PCDHA7: variants seen among roughly 807,000 people sequenced by gnomAD.
PCDHA7 encodes protocadherin alpha 7, also known as protocadherin alpha-7.
A neutral mutation model predicts 57.2 loss-of-function variants in PCDHA7; 37 were observed. That is an observed-to-expected ratio of 0.65 (90% confidence interval 0.50 to 0.85). The LOEUF (loss-of-function observed/expected upper bound fraction) is 0.85, where lower values mean the gene tolerates loss of function less well. Among genes scored for constraint, PCDHA7 ranks in the 40% least tolerant of loss-of-function variants. The probability of loss-of-function intolerance (pLI) is 0.00; values close to 1 mark genes in which losing one functional copy is unlikely to be tolerated. For synonymous variants in PCDHA7, 553 were observed against 558.8 expected, an observed-to-expected ratio of 0.99 and a Z score of 0.15; for missense variants, 1,188 against 1,241.8, an observed-to-expected ratio of 0.96 and a Z score of 0.65.
At chr5:140,877,946 C>G in intron 1 of PCDHA7, 1 of 1,349,558 alleles carries the variant, frequency 7.4e-7, no homozygotes, top group South Asian at 1.7e-5. Context: ...TTTAAACTAT[C>G]GAATGTCTCA....
At chr5:140,999,419 G>A (rs2097856786) in intron 3 of PCDHA7, among the ~76,000 whole-genome samples, 1 of 152,182 alleles carries the variant, frequency 6.6e-6, no homozygotes, top group Non-Finnish European at 1.5e-5. Flanking sequence ...TGGGAGCTAA[G>A]AGGCCAAGTA....
intron 1 of PCDHA7, among the ~76,000 whole-genome samples, chr5:140,839,682 A>AT (rs1213854043): frequency 2.0e-5 from 3 of 152,030 alleles, no homozygotes; most frequent in Non-Finnish European, 4.4e-5. Flanking sequence ...AACTACAGAG[A>AT]TTTTTTTGGG....
In PCDHA7 at chr5:140,876,087, G is replaced by T. The variant is rs1554168252; in HGVS notation, c.2355+39349G>T. ...GGAAGTTATTGGACAGAGAGCAAAC[G>T]CCAAAACTCAATTTATTGCTGATGG... On this transcript the variant is annotated intron_variant, in intron 1 of 3. Coordinates refer to ENST00000525929, the MANE Select transcript of PCDHA7 (RefSeq NM_018910.3). The T allele has an allele frequency of 1.9e-6, 3 of 1,613,922 alleles. No individual in the cohort carries two copies. The South Asian group carries it at 3.3e-5, about 18-fold the overall frequency.
chr5:141,001,693 G>A (rs1554258280), intron 3 of PCDHA7, among the ~76,000 whole-genome samples: 1 of 152,122 alleles, frequency 6.6e-6, no homozygotes, highest in Admixed American at 6.5e-5. Context: ...CCCACAGATG[G>A]CGAAATAGGG....
At chr5:140,981,458 C>T (rs1465511355) in intron 2 of PCDHA7, among the ~76,000 whole-genome samples, 5 of 152,134 alleles carry the variant, frequency 3.3e-5, no homozygotes, top group African/African-American at 4.8e-5. Flanking sequence ...CCTGTAGTCC[C>T]AGCTACTTGG....
In PCDHA7 at chr5:141,005,964, A is replaced by G. The variant is rs189203283; in HGVS notation, c.2504-3663A>G. On this transcript the variant is annotated intron_variant, in intron 3 of 3. Transcript: ENST00000525929. The stretch of plus-strand genomic sequence containing the variant: ...CCTATCTCTAACAAACAACAATAAA[A>G]AAACAATTCCAAAGAGTGTTTGAGG... 1.8e-3 allele frequency among the ~76,000 whole-genome samples: 274 copies of G among 152,152 alleles called. 1 individual carries two copies. Among genetic ancestry groups the G allele is most frequent in the Middle Eastern group, 6.8e-3 (2 of 294 alleles).
At chr5:140,968,097 G>A in intron 1 of PCDHA7, 1 of 1,614,112 alleles carries the variant, frequency 6.2e-7, no homozygotes, top group Non-Finnish European at 8.5e-7. Flanking sequence ...GCCACAGATG[G>A]GGGAATACCG....
chr5:140,882,178 C>A (rs2058992068), intron 1 of PCDHA7: 1 of 1,517,822 alleles, frequency 6.6e-7, no homozygotes, highest in Non-Finnish European at 8.8e-7. Flanking sequence ...TCCTTCCGCA[C>A]TAGGAAGCCA....
chr5:140,985,471 G>A (rs926791157), intron 3 of PCDHA7, among the ~76,000 whole-genome samples: 4 of 152,148 alleles, frequency 2.6e-5, no homozygotes, highest in African/African-American at 9.7e-5. Flanking sequence ...AAAAAATTTG[G>A]TTGTTTCCAG....
chr5:140,927,480 C>T (rs782233621), intron 1 of PCDHA7: 3 of 1,613,976 alleles, frequency 1.9e-6, no homozygotes, highest in African/African-American at 1.3e-5. Context: ...GCGAACAGCG[C>T]GCCACCCACC....
intron 1 of PCDHA7, chr5:140,876,915 C>A: frequency 6.2e-7 from 1 of 1,613,966 alleles, no homozygotes; most frequent in Non-Finnish European, 8.5e-7. Flanking sequence ...CGGCATGGGA[C>A]GCGGACGCGC....
At chr5:140,867,813 C>T (rs1189080463) in intron 1 of PCDHA7, 1 of 152,032 alleles carries the variant, frequency 6.6e-6, no homozygotes, top group Non-Finnish European at 1.5e-5. Context: ...TATGAAATTC[C>T]ATTTCCACAA....
intron 1 of PCDHA7, chr5:140,860,323 G>C (rs782283348): frequency 2.6e-5 from 4 of 152,078 alleles, no homozygotes; most frequent in Non-Finnish European, 5.9e-5. Flanking sequence ...TGAGGCTGCA[G>C]TGACCCATGA....
chr5:140,975,120 C>T (rs2096654332), intron 1 of PCDHA7, among the ~76,000 whole-genome samples: 1 of 152,140 alleles, frequency 6.6e-6, no homozygotes, highest in African/African-American at 2.4e-5. Flanking sequence ...TGTTTTCCTA[C>T]TTACTATTGG....
rs2150231689 is a variant in PCDHA7, at chr5:140,835,187, T to A, written c.804T>A (p.Asp268Glu). The A allele has an allele frequency of 6.5e-7, 1 of 1,533,756 alleles. No homozygotes were observed. Among genetic ancestry groups the A allele is most frequent in the Non-Finnish European group, 8.8e-7 (1 of 1,133,974 alleles). ...TGGTGATTCACCCCAATGCCTCAGA[T>A]TTAGACGAAGGCTTGAATGGGGATA... ...GTLVIHPNAS[D>E]LDEGLNGDII... The change falls in exon 1 of 4, where the codon GAT (aspartate) becomes GAA (glutamate). Residue 268 changes from aspartate to glutamate, a missense_variant. Coordinates refer to ENST00000525929, the MANE Select transcript of PCDHA7 (RefSeq NM_018910.3).
chr5:140,980,441 A>G (rs1454168972), intron 2 of PCDHA7, among the ~76,000 whole-genome samples: 7 of 152,124 alleles, frequency 4.6e-5, no homozygotes, highest in African/African-American at 1.7e-4. Context: ...ACCATCCTGG[A>G]CAACACGGTG....
intron 1 of PCDHA7, among the ~76,000 whole-genome samples, chr5:140,873,367 A>G (rs782242904): frequency 2.0e-5 from 3 of 152,174 alleles, no homozygotes; most frequent in Non-Finnish European, 2.9e-5. Context: ...GAATAACTGA[A>G]GATCTTTTAA....
chr5:140,993,446 TCTC>T (rs1262965335), intron 3 of PCDHA7, among the ~76,000 whole-genome samples: 4 of 146,376 alleles, frequency 2.7e-5, no homozygotes, highest in Non-Finnish European at 6.0e-5. Flanking sequence ...TCATTCCTGT[TCTC>T]CTTCTTTCTT....
At chr5:140,986,951 T>C (rs1421822972) in intron 3 of PCDHA7, among the ~76,000 whole-genome samples, 1 of 152,128 alleles carries the variant, frequency 6.6e-6, no homozygotes, top group Non-Finnish European at 1.5e-5. Context: ...TGGTCGCTCA[T>C]GCCTGTAATT....
Sources: gnomAD v4.1 joint callset for allele counts (sites outside exome capture counted in the v4.1 genomes callset) on GRCh38, gnomAD v4.1.1 for gene constraint, MANE v1.5 for transcripts, NCBI Gene and HGNC (gene_info 2026-07-23, HGNC 2026-07-21) for gene names.